The following GAB1 variants were observed in gnomAD, a reference collection of about 807,000 sequenced individuals.
GAB1 encodes the protein GRB2 associated binding protein 1, also known as GRB2-associated-binding protein 1.
GAB1 carries 19 observed loss-of-function variants against 66.5 expected under a neutral mutation model. The ratio of observed to expected loss-of-function variants is 0.29; its 90% CI spans 0.20 to 0.42. The LOEUF (loss-of-function observed/expected upper bound fraction) is 0.42, where lower values mean the gene tolerates loss of function less well. Among genes scored for constraint, GAB1 ranks in the 10% least tolerant of loss-of-function variants. The pLI, the probability that GAB1 is intolerant of heterozygous loss-of-function variation, is 1.00. For missense variants in GAB1, 732 were observed against 858.5 expected, an observed-to-expected ratio of 0.85 and a Z score of 1.84; for synonymous variants, 294 against 301.4, an observed-to-expected ratio of 0.98 and a Z score of 0.25.
In GAB1 at chr4:143,366,116, A is replaced by T. The variant is rs145029859; in HGVS notation, c.72+28856A>T. ...ACCCTATCCTGGTGAGGTCATAGTC[A>T]GATTTCTGTTTAAATCGAAATTAGC... On this transcript the variant is annotated intron_variant, in intron 1 of 9. Coordinates refer to ENST00000262994, the MANE Select transcript of GAB1 (RefSeq NM_002039.4). Among the ~76,000 whole-genome samples, 1,223 of 152,352 alleles carry T rather than the reference A, an allele frequency of 8.0e-3. 12 individuals carry two copies. Among genetic ancestry groups the T allele is most frequent in the African/African-American group, 0.019 (786 of 41,586 alleles).
At chr4:143,389,594 A>T (rs937772299) in intron 1 of GAB1, among the ~76,000 whole-genome samples, 1 of 152,246 alleles carries the variant, frequency 6.6e-6, no homozygotes, top group Non-Finnish European at 1.5e-5. Flanking sequence ...TTATTAAAGC[A>T]TAAGACAATT....
chr4:143,368,237 A>C (rs553126317), intron 1 of GAB1, among the ~76,000 whole-genome samples: 3 of 151,578 alleles, frequency 2.0e-5, no homozygotes, highest in African/African-American at 7.3e-5. Context: ...TATTCTAATG[A>C]TAATTAATTT....
chr4:143,403,016 C>T (rs773714786), intron 1 of GAB1, among the ~76,000 whole-genome samples: 1 of 152,212 alleles, frequency 6.6e-6, no homozygotes, highest in Non-Finnish European at 1.5e-5. Context: ...GGTTGTCTCA[C>T]TGGGTTTCTA....
rs569856711 is a variant in GAB1 at position 143,445,890 on chromosome 4, C to G, written c.1585+5508C>G. Reference sequence around the variant, plus strand: ...CATGTGCCATGCTGGTGTGCTGCACCCATTAACTCGTCATTTAACATTAGG... The same window carrying G: ...CATGTGCCATGCTGGTGTGCTGCACGCATTAACTCGTCATTTAACATTAGG... On this transcript the variant is annotated intron_variant, in intron 6 of 9. Transcript: ENST00000262994. Among the ~76,000 whole-genome samples, 141 of 152,088 alleles carry G rather than the reference C, an allele frequency of 9.3e-4. 3 individuals are homozygous for G. The South Asian group carries it at 0.028, about 30-fold the overall frequency.
intron 1 of GAB1, among the ~76,000 whole-genome samples, chr4:143,372,539 C>G (rs1031789943): frequency 4.5e-4 from 69 of 152,006 alleles, no homozygotes; most frequent in African/African-American, 1.6e-3. Context: ...ACCATGGTCA[C>G]AAGAGAAAAC....
chr4:143,408,856 T>A (rs1732207446), intron 1 of GAB1, among the ~76,000 whole-genome samples: 1 of 152,204 alleles, frequency 6.6e-6, no homozygotes, highest in Admixed American at 6.5e-5. Flanking sequence ...AAATAAAAAA[T>A]TCCGCTCTAC....
intron 6 of GAB1, among the ~76,000 whole-genome samples, chr4:143,455,329 A>T (rs1735126308): frequency 6.6e-6 from 1 of 152,246 alleles, no homozygotes; most frequent in Non-Finnish European, 1.5e-5. Context: ...AATTGGAGAT[A>T]ACCTGTCAGG....
chr4:143,401,507 G>A (rs1731772425), intron 1 of GAB1, among the ~76,000 whole-genome samples: 1 of 152,196 alleles, frequency 6.6e-6, no homozygotes, highest in Admixed American at 6.5e-5. Context: ...TGGGGATGCT[G>A]TGTTAAGTTA....
intron 1 of GAB1, among the ~76,000 whole-genome samples, chr4:143,361,874 G>T (rs1729674811): frequency 6.6e-6 from 1 of 152,080 alleles, no homozygotes; most frequent in South Asian, 2.1e-4. Flanking sequence ...GGTTGAAAAA[G>T]CAGTTACTTG....
intron 1 of GAB1, among the ~76,000 whole-genome samples, chr4:143,338,712 G>GGGGTGTGTGT (rs71588246): frequency 6.2e-4 from 93 of 149,284 alleles, no homozygotes; most frequent in African/African-American, 2.0e-3. Flanking sequence ...GAAAGGTAGG[G>GGGGTGTGTGT]GTGTGTGTGT....
Position 143,471,060 on chromosome 4 carries a change from G to T in GAB1, c.*1871G>T, listed in dbSNP as rs1318317192. ...ATGTGCCTAAACTATCAAAACACAC[G>T]ATACAGCTAATGTGTAAAGATGCTA... On this transcript the variant is annotated 3_prime_UTR_variant, in exon 10 of 10. Coordinates refer to ENST00000262994, the MANE Select transcript of GAB1 (RefSeq NM_002039.4). The T allele has an allele frequency of 2.0e-5, 3 of 152,094 alleles. No individual in the cohort carries two copies. The highest frequency in any genetic ancestry group is 4.4e-5 in the Non-Finnish European group (3 of 68,018). The allele number at this position is 152,094 out of a possible 1,614,324, so 9.4% of individuals were successfully genotyped here.
intron 1 of GAB1, among the ~76,000 whole-genome samples, chr4:143,396,974 G>T (rs1178603898): frequency 2.0e-5 from 3 of 152,152 alleles, no homozygotes; most frequent in Non-Finnish European, 4.4e-5. Context: ...GCAGGGAGGG[G>T]TAAGAGAAGA....
chr4:143,434,540 G>A (rs560531316), intron 3 of GAB1, among the ~76,000 whole-genome samples: 6 of 151,878 alleles, frequency 4.0e-5, no homozygotes, highest in African/African-American at 1.4e-4. Context: ...TTTCTTTGTA[G>A]TGACGAGGTC....
intron 1 of GAB1, among the ~76,000 whole-genome samples, chr4:143,398,972 A>G (rs1731604173): frequency 6.6e-6 from 1 of 152,176 alleles, no homozygotes; most frequent in East Asian, 1.9e-4. Flanking sequence ...CCCTTTCTAG[A>G]TAGAAAGATC....
At chr4:143,367,391 A>G (rs1407247134) in intron 1 of GAB1, among the ~76,000 whole-genome samples, 1 of 152,232 alleles carries the variant, frequency 6.6e-6, no homozygotes. Flanking sequence ...TTTATACAAT[A>G]TACTTAGAAG....
chr4:143,459,355 A>G, intron 6 of GAB1, 30 bp from the exon 7 acceptor site: 1 of 1,331,892 alleles, frequency 7.5e-7, no homozygotes, highest in Non-Finnish European at 1.1e-6. Context: ...TCTGTATACT[A>G]AAAATCTCTT....
At chr4:143,422,263 A>G (rs17017770) in intron 2 of GAB1, among the ~76,000 whole-genome samples, 18,822 of 152,212 alleles carry the variant, frequency 0.12, 2,782 homozygotes, top group African/African-American at 0.36. Flanking sequence ...TCATTAATCA[A>G]TAGAAGCAGA....
chr4:143,363,473 T>A (rs1375934894), intron 1 of GAB1, among the ~76,000 whole-genome samples: 1 of 152,092 alleles, frequency 6.6e-6, no homozygotes, highest in Non-Finnish European at 1.5e-5. Context: ...TGGTTTTTAT[T>A]TGGTAGAAGG....
At chr4:143,424,295 T>C (rs572899936) in intron 2 of GAB1, among the ~76,000 whole-genome samples, 1 of 152,318 alleles carries the variant, frequency 6.6e-6, no homozygotes, top group Admixed American at 6.5e-5. Flanking sequence ...GGGAAGTATA[T>C]GGAATACACT....
Sources: gnomAD v4.1 joint callset for allele counts (sites outside exome capture counted in the v4.1 genomes callset) on GRCh38, gnomAD v4.1.1 for gene constraint, MANE v1.5 for transcripts, NCBI Gene and HGNC (gene_info 2026-07-23, HGNC 2026-07-21) for gene names.